CTC1: variants seen among roughly 807,000 people sequenced by gnomAD.
The protein encoded by CTC1 is CST telomere replication complex component 1.
In CTC1, 91 loss-of-function variants were observed where a neutral mutation model predicts 136.3. The observed-to-expected ratio is 0.67, with a 90% CI of 0.56 to 0.79. The LOEUF (loss-of-function observed/expected upper bound fraction) is 0.79, where lower values mean the gene tolerates loss of function less well. Ranked by LOEUF, CTC1 falls within the 30% of genes least tolerant of loss-of-function variation. The pLI is 0.00. For missense variants in CTC1, 1,432 were observed against 1,498.1 expected (o/e 0.96, Z 0.73); for synonymous variants, 606 against 613.8 (o/e 0.99, Z 0.19).
chr17:8,235,988 A>C (rs368452336), intron 6 of CTC1, 29 bp from the exon 7 acceptor site: 1 of 1,600,254 alleles, frequency 6.2e-7, no homozygotes, highest in South Asian at 1.1e-5. Flanking sequence ...CCAGTTGACC[A>C]CTATTTTCTT....
chr17:8,238,657 G>A (rs757723401), intron 2 of CTC1, 28 bp from the exon 3 acceptor site: 12 of 1,515,452 alleles, frequency 7.9e-6, no homozygotes, highest in Non-Finnish European at 9.8e-6. Flanking sequence ...CAGAGGTCCT[G>A]CAAAGCCAGG....
intron 10 of CTC1, among the ~76,000 whole-genome samples, chr17:8,234,238 G>A (rs1233208956): frequency 1.3e-5 from 2 of 152,224 alleles, no homozygotes; most frequent in Non-Finnish European, 2.9e-5. Context: ...GCCTCCCAAA[G>A]TGTTGGGATT....
At chr17:8,230,053 G>A in intron 17 of CTC1, 85 bp from the exon 18 acceptor site, 1 of 1,291,416 alleles carries the variant, frequency 7.7e-7, no homozygotes, top group Non-Finnish European at 1.1e-6. Context: ...AAGCACCACA[G>A]AGTGGCCACT....
Position 8,226,701 on chromosome 17 carries a change from G to C in CTC1, c.*1479C>G, listed in dbSNP as rs796651282. On this transcript the variant is annotated 3_prime_UTR_variant, in exon 23 of 23. Transcript: ENST00000651323. Reference sequence around the variant, plus strand: ...ACTCGGCCACGACTACGAGGCTTAGGGCTTCGTTTTCATCCAATGCCTTTC... The same window carrying C: ...ACTCGGCCACGACTACGAGGCTTAGCGCTTCGTTTTCATCCAATGCCTTTC... The C allele has an allele frequency of 6.6e-6, 1 of 152,164 alleles. No individual in the cohort carries two copies. The highest frequency in any genetic ancestry group is 2.4e-5 in the African/African-American group (1 of 41,410). 9.4% of individuals were successfully genotyped at this position (152,164 alleles called of 1,614,324 possible).
Position 8,238,102 on chromosome 17 carries a change from G to A in CTC1, c.576C>T (p.Thr192=), listed in dbSNP as rs1987904418. 1.2e-6 allele frequency: 2 copies of A among 1,614,038 alleles called. No homozygotes were observed. Among genetic ancestry groups the A allele is most frequent in the Admixed American group, 3.3e-5 (2 of 59,998 alleles). ...TAGGCGTGACGGGGCCAGGACTGATGGTCAAAGGAAACACTGGCACAGGGG... is the reference window on the plus strand; with the variant it reads ...TAGGCGTGACGGGGCCAGGACTGATAGTCAAAGGAAACACTGGCACAGGGG... The part of the protein sequence containing the change: ...WDAPVPVFPL[T]ISPGPVTPIP... Residue 192 remains threonine (T), a synonymous_variant, in exon 4 of 23, where the codon ACC becomes ACT. Coordinates refer to ENST00000651323, the MANE Select transcript of CTC1 (RefSeq NM_025099.6).
In CTC1 at chr17:8,235,079, G is replaced by A; in HGVS notation, c.1413C>T (p.Thr471=). 1 of 1,614,126 alleles carries A rather than the reference G, an allele frequency of 6.2e-7. No individual in the cohort carries two copies. Among genetic ancestry groups the A allele is most frequent in the Non-Finnish European group, 8.5e-7 (1 of 1,180,016 alleles). The part of the protein sequence containing the change: ...QLGLPLYLWA[T]KALEELACKL... ...TGCAGGCCAGCTCCTCCAGGGCCTT[G>A]GTAGCCCACAGGTAGAGGGGAAGTC... Residue 471 remains threonine (T), a synonymous_variant, in exon 8 of 23, where the codon ACC becomes ACT. Transcript: ENST00000651323.
In CTC1 at chr17:8,226,304, G is replaced by A. The variant is rs534886838; in HGVS notation, c.*1876C>T. ...AGGCGCTTTAACCAACTAAGCCACG[G>A]CGCCGAAGCTGCCATAAAGGTTCCT... On this transcript the variant is annotated 3_prime_UTR_variant, in exon 23 of 23. Transcript: ENST00000651323. 3 of 152,356 alleles carry A rather than the reference G, an allele frequency of 2.0e-5. No individual in the cohort carries two copies. The highest frequency in any genetic ancestry group is 6.5e-5 in the Admixed American group (1 of 15,296). The allele number at this position is 152,356 out of a possible 1,614,324, so 9.4% of individuals were successfully genotyped here. A position where few individuals can be genotyped will look rare whatever the true frequency, so the allele number is the denominator to read the frequency against.
Position 8,238,426 on chromosome 17 carries a change from T to A in CTC1, c.401A>T (p.Tyr134Phe). ...LEQECRNGSL[Y>F]VRDNTGVLSC... Reference sequence around the variant, plus strand: ...CAGGACGCCAGTGTTATCTCTCACATAGAGGCTTCCGTTCCTGCACTCTTG... The same window carrying A: ...CAGGACGCCAGTGTTATCTCTCACAAAGAGGCTTCCGTTCCTGCACTCTTG... Residue 134 changes from tyrosine to phenylalanine, a missense_variant, in exon 3 of 23, where the codon TAT (tyrosine) becomes TTT (phenylalanine). Tyr to Phe is a conservative substitution (Grantham distance 22, BLOSUM62 3). Transcript: ENST00000651323. 6.2e-7 allele frequency: 1 copy of A among 1,614,158 alleles called. No individual in the cohort carries two copies. Among genetic ancestry groups the A allele is most frequent in the Non-Finnish European group, 8.5e-7 (1 of 1,180,012 alleles).
Position 8,238,198 on chromosome 17 carries a change from G to C in CTC1, c.480C>G (p.Phe160Leu), listed in dbSNP as rs758526155. ...CAGGAGGGAGGTAACTCCAACGGGG[G>C]AACAGAAAAAGATGGCCCAACCAAG... is the stretch of plus-strand genomic sequence containing the variant. ...DLSWLGHLFL[F>L]PRWSYLPPAR... The change falls in exon 4 of 23, where the codon TTC becomes TTG. Residue 160 changes from phenylalanine (F) to leucine (L), a missense_variant. Transcript: ENST00000651323. 8 of 1,612,006 alleles carry C rather than the reference G, an allele frequency of 5.0e-6. No individual in the cohort carries two copies. The highest frequency in any genetic ancestry group is 6.8e-6 in the Non-Finnish European group (8 of 1,178,526).
chr17:8,245,432 T>C (rs1988595753), intron 1 of CTC1, among the ~76,000 whole-genome samples: 1 of 152,086 alleles, frequency 6.6e-6, no homozygotes, highest in Non-Finnish European at 1.5e-5. Context: ...CAAATCACCA[T>C]TCAGAGTTGC....
At chr17:8,237,041 T>TG (rs1183135664) in intron 5 of CTC1, among the ~76,000 whole-genome samples, 4 of 150,942 alleles carry the variant, frequency 2.7e-5, no homozygotes, top group Middle Eastern at 3.4e-3. Flanking sequence ...GTACCAAGTT[T>TG]TTTTTTTTTT....
At chr17:8,244,945 C>A (rs1988555007) in intron 1 of CTC1, among the ~76,000 whole-genome samples, 1 of 152,168 alleles carries the variant, frequency 6.6e-6, no homozygotes, top group African/African-American at 2.4e-5. Flanking sequence ...TACATATACA[C>A]CATGGAATAC....
intron 10 of CTC1, 26 bp downstream of exon 10, chr17:8,234,429 C>T: frequency 1.3e-6 from 2 of 1,548,770 alleles, no homozygotes; most frequent in Non-Finnish European, 1.7e-6. Context: ...GGGAAATCAC[C>T]TGAGCCCTGC....
At position 8,238,556 on chromosome 17, in the gene CTC1, CACT is replaced by C. The variant is rs879863262; in HGVS notation, c.268_270del (p.Ser90del). The C allele has an allele frequency of 3.7e-6, 6 of 1,614,174 alleles. No homozygotes were observed. The highest frequency in any genetic ancestry group is 5.1e-6 in the Non-Finnish European group (6 of 1,180,014). Reference sequence around the variant, plus strand: ...GCCTCTTGGGCCCAGGCCTGGTATGCACTACTGCTCCACGACAGGTGGCTGCAG... The same window carrying C: ...GCCTCTTGGGCCCAGGCCTGGTATGCACTGCTCCACGACAGGTGGCTGCAG... On this transcript the variant is annotated inframe_deletion, in exon 3 of 23. Transcript: ENST00000651323.
chr17:8,243,963 G>C (rs776699255), intron 1 of CTC1, among the ~76,000 whole-genome samples: 5 of 152,136 alleles, frequency 3.3e-5, no homozygotes, highest in Non-Finnish European at 7.4e-5. Flanking sequence ...AGCTACTCGG[G>C]AGGCTGAGAT....
chr17:8,229,031 A>C, intron 20 of CTC1, 111 bp downstream of exon 20: 1 of 1,477,622 alleles, frequency 6.8e-7, no homozygotes, highest in Non-Finnish European at 9.3e-7. Context: ...TTCGTTCAAA[A>C]AATATTAAGC....
intron 11 of CTC1, chr17:8,232,702 TG>T: frequency 1.4e-6 from 1 of 724,660 alleles, no homozygotes; most frequent in Non-Finnish European, 2.4e-6. Context: ...GGAGCTACGG[TG>T]GAGAAATGCA....
At chr17:8,236,973 A>C (rs1396060661) in intron 5 of CTC1, among the ~76,000 whole-genome samples, 2 of 152,088 alleles carry the variant, frequency 1.3e-5, no homozygotes, top group African/African-American at 4.8e-5. Context: ...CATGAGTCTA[A>C]AAGTTGAAAT....
At chr17:8,229,092 A>G (rs755671348) in intron 20 of CTC1, 50 bp downstream of exon 20, 2 of 1,579,584 alleles carry the variant, frequency 1.3e-6, no homozygotes, top group African/African-American at 1.4e-5. Flanking sequence ...AGATAGACAA[A>G]GTGGTCTCAT....
Sources: allele counts gnomAD v4.1 joint callset (sites outside exome capture counted in the v4.1 genomes callset), GRCh38; gene constraint gnomAD v4.1.1; transcripts MANE v1.5; gene names NCBI Gene and HGNC (gene_info 2026-07-23, HGNC 2026-07-21).